The following PXDNL variants were observed in gnomAD, a reference collection of about 807,000 sequenced individuals.
PXDNL encodes probable oxidoreductase PXDNL.
A neutral mutation model predicts 150.8 loss-of-function variants in PXDNL; 145 were observed. That is an observed-to-expected ratio of 0.96 (90% CI 0.84 to 1.10). The LOEUF (loss-of-function observed/expected upper bound fraction) is 1.10. Ranked by LOEUF, PXDNL falls within the 50% of genes least tolerant of loss-of-function variation. The pLI is 0.00. For synonymous variants in PXDNL, 757 were observed against 725.7 expected, an observed-to-expected ratio of 1.04 and a Z score of -0.69; for missense variants, 2,087 against 1,873.9, an observed-to-expected ratio of 1.11 and a Z score of -2.10.
At chr8:51,770,036 T>C (rs2037274996) in intron 1 of PXDNL, among the ~76,000 whole-genome samples, 1 of 152,216 alleles carries the variant, frequency 6.6e-6, no homozygotes, top group African/African-American at 2.4e-5. Flanking sequence ...GCTATGACGC[T>C]TGACTACATT....
chr8:51,787,571 T>A (rs2037471923), intron 1 of PXDNL, among the ~76,000 whole-genome samples: 1 of 152,240 alleles, frequency 6.6e-6, no homozygotes, highest in African/African-American at 2.4e-5. Context: ...GCCTGTGATA[T>A]GACTGAATTG....
intron 12 of PXDNL, 148 bp downstream of exon 12, chr8:51,446,856 G>C: frequency 2.1e-6 from 1 of 476,782 alleles, no homozygotes; most frequent in Non-Finnish European, 3.5e-6. Flanking sequence ...AGACTGATTG[G>C]AAGAAGATAT....
chr8:51,504,705 C>G (rs1439701051), intron 4 of PXDNL, among the ~76,000 whole-genome samples: 1 of 152,222 alleles, frequency 6.6e-6, no homozygotes, highest in African/African-American at 2.4e-5. Context: ...ATATTCACAT[C>G]CCTAGTTTCT....
chr8:51,410,605 G>A (rs565665874), intron 16 of PXDNL, among the ~76,000 whole-genome samples: 1 of 152,276 alleles, frequency 6.6e-6, no homozygotes, highest in East Asian at 1.9e-4. Flanking sequence ...GAAAGGGTAA[G>A]CCAATAGAAA....
intron 3 of PXDNL, among the ~76,000 whole-genome samples, chr8:51,562,121 A>G (rs1295932642): frequency 1.3e-5 from 2 of 151,538 alleles, no homozygotes; most frequent in African/African-American, 4.8e-5. Flanking sequence ...TTATATGAGT[A>G]AGAAATTATA....
Position 51,722,023 on chromosome 8 carries a change from AG to A in PXDNL, c.165-67264del, listed in dbSNP as rs1816741807. On this transcript the variant is annotated intron_variant, in intron 1 of 22. Coordinates refer to ENST00000356297, the MANE Select transcript of PXDNL (RefSeq NM_144651.5). ...ATAGTGTTTACCCCTAACTTCTTTA[AG>A]GAGAGCTGTAGTTTTTTCTAATCTG... The A allele has an allele frequency of 1.5e-5, 3 of 201,784 alleles. No homozygotes were observed. The South Asian group carries it at 2.9e-4, about 20-fold the overall frequency. The allele number at this position is 201,784 out of a possible 1,614,324, so 12.5% of individuals were successfully genotyped here. A position where few individuals can be genotyped will look rare whatever the true frequency, so the allele number is the denominator to read the frequency against.
chr8:51,665,973 A>G (rs1815377339), intron 1 of PXDNL, among the ~76,000 whole-genome samples: 1 of 152,228 alleles, frequency 6.6e-6, no homozygotes, highest in South Asian at 2.1e-4. Context: ...AATTTTAGTG[A>G]CTTATTTAAC....
chr8:51,637,872 G>A (rs1814641466), intron 2 of PXDNL, among the ~76,000 whole-genome samples: 2 of 152,138 alleles, frequency 1.3e-5, no homozygotes, highest in Admixed American at 6.5e-5. Context: ...TACTCCTCAA[G>A]AAGAGCAACT....
chr8:51,663,549 G>T (rs1391704862), intron 1 of PXDNL, among the ~76,000 whole-genome samples: 2 of 152,158 alleles, frequency 1.3e-5, no homozygotes, highest in Admixed American at 1.3e-4. Flanking sequence ...GTTGACAGGG[G>T]TATGCGGCCA....
chr8:51,445,067 A>G (rs940650130), intron 12 of PXDNL, among the ~76,000 whole-genome samples: 1 of 151,816 alleles, frequency 6.6e-6, no homozygotes, highest in Non-Finnish European at 1.5e-5. Flanking sequence ...CTACAGGCAC[A>G]TGCCACCATG....
intron 1 of PXDNL, chr8:51,721,985 T>C: frequency 8.7e-6 from 2 of 229,288 alleles, no homozygotes; most frequent in South Asian, 1.4e-4. Flanking sequence ...TATTCACCTC[T>C]TCAGTACCAG....
At chr8:51,334,144 T>C (rs1016912625) in intron 21 of PXDNL, among the ~76,000 whole-genome samples, 10 of 152,030 alleles carry the variant, frequency 6.6e-5, no homozygotes, top group African/African-American at 2.2e-4. Flanking sequence ...TGGAATAAAA[T>C]TGGAAATCAA....
chr8:51,612,015 C>T (rs898842632), intron 2 of PXDNL, among the ~76,000 whole-genome samples: 20 of 152,210 alleles, frequency 1.3e-4, no homozygotes, highest in Non-Finnish European at 2.2e-4. Flanking sequence ...TGCTATGCTT[C>T]CCCTTCTCTT....
At chr8:51,618,192 T>C (rs949553810) in intron 2 of PXDNL, among the ~76,000 whole-genome samples, 2 of 152,204 alleles carry the variant, frequency 1.3e-5, no homozygotes, top group African/African-American at 4.8e-5. Flanking sequence ...GCAAAGACAC[T>C]GGCGATTACC....
chr8:51,706,148 TAAAAA>T (rs1402830427), intron 1 of PXDNL, among the ~76,000 whole-genome samples: 2 of 152,044 alleles, frequency 1.3e-5, no homozygotes, highest in African/African-American at 4.8e-5. Context: ...CCTTCTCTAC[TAAAAA>T]TACAAATATT....
intron 22 of PXDNL, 114 bp from the exon 23 acceptor site, chr8:51,320,136 T>A (rs946034791): frequency 2.1e-6 from 2 of 949,494 alleles, no homozygotes; most frequent in African/African-American, 1.7e-5. Context: ...CTCAATATAA[T>A]AAAAAATGCT....
At chr8:51,361,937 C>CAAAAA (rs57092440) in intron 19 of PXDNL, among the ~76,000 whole-genome samples, 853 of 58,134 alleles carry the variant, frequency 0.015, 3 homozygotes, top group Non-Finnish European at 0.017. Context: ...GATTCCATCT[C>CAAAAA]AAAAAAAAAA....
At chr8:51,404,713 A>G (rs1808386342) in intron 17 of PXDNL, among the ~76,000 whole-genome samples, 1 of 152,218 alleles carries the variant, frequency 6.6e-6, no homozygotes, top group Admixed American at 6.5e-5. Context: ...AGCTAGACAT[A>G]AAGGTCCTCC....
At chr8:51,597,194 A>C (rs960785607) in intron 2 of PXDNL, among the ~76,000 whole-genome samples, 1 of 152,102 alleles carries the variant, frequency 6.6e-6, no homozygotes, top group Non-Finnish European at 1.5e-5. Context: ...TGTCGACTTC[A>C]TCAAAGATTA....
Sources: gnomAD v4.1 joint callset for allele counts (sites outside exome capture counted in the v4.1 genomes callset) on GRCh38, gnomAD v4.1.1 for gene constraint, MANE v1.5 for transcripts, NCBI Gene and HGNC (gene_info 2026-07-23, HGNC 2026-07-21) for gene names.